PRELID2: variants seen among roughly 807,000 people sequenced by gnomAD.
PRELID2 encodes PRELI domain containing 2, also known as PRELI domain-containing protein 2.
PRELID2 carries 25 observed loss-of-function variants against 28.4 expected under a neutral mutation model. That is an observed-to-expected ratio of 0.88 (90% CI 0.64 to 1.23). PRELID2 has a LOEUF of 1.23. Ranked by LOEUF, PRELID2 falls within the 50% of genes most tolerant of loss-of-function variation. The probability of loss-of-function intolerance (pLI) is 0.00; values close to 1 mark genes in which losing one functional copy is unlikely to be tolerated. For missense variants in PRELID2, 201 were observed against 214.4 expected (o/e 0.94, Z 0.39); for synonymous variants, 76 against 71.6 (o/e 1.06, Z -0.31).
chr5:145,336,310 G>A, the PRELID2 span, among the ~76,000 whole-genome samples: 1 of 151,564 alleles, frequency 6.6e-6, no homozygotes, highest in South Asian at 2.1e-4. Context: ...GGCTTTTGTT[G>A]CCATTGCTTT....
At position 145,820,043 on chromosome 5, in the gene PRELID2, A is replaced by C. The variant is rs184962695; in HGVS notation, c.134-25T>G. The C allele has an allele frequency of 1.3e-3, 1,714 of 1,318,236 alleles. 11 individuals are homozygous for C. The East Asian group carries it at 0.019, about 14-fold the overall frequency. 81.7% of individuals were successfully genotyped at this position (1,318,236 alleles called of 1,614,324 possible). On this transcript the variant is annotated intron_variant, in intron 2 of 6. Transcript: ENST00000683046. ...TCTAAAAAAGAAATTTTTTTACACA[A>C]AAAAAAATTAAAGAAATGTGTTCTT...
intron 1 of PRELID2, among the ~76,000 whole-genome samples, chr5:145,537,889 G>A (rs747734817): frequency 2.6e-5 from 4 of 151,660 alleles, no homozygotes; most frequent in Non-Finnish European, 4.4e-5. Context: ...TGTTTTTGAA[G>A]TCTTATTTTT....
At chr5:145,467,009 TAAATTTGAAAGGTCTCC>T (rs1752008124), downstream of PRELID2, among the ~76,000 whole-genome samples, 1 of 152,094 alleles carries the variant, frequency 6.6e-6, no homozygotes, top group Non-Finnish European at 1.5e-5. Flanking sequence ...GGGTCACTAG[TAAATTTGAAAGGTCTCC>T]AATGACCCTT....
the PRELID2 span, among the ~76,000 whole-genome samples, chr5:145,330,163 G>T: frequency 6.6e-6 from 1 of 152,236 alleles, no homozygotes; most frequent in Non-Finnish European, 1.5e-5. Flanking sequence ...TGCATTGCTG[G>T]ATTCAGTTTG....
the PRELID2 span, among the ~76,000 whole-genome samples, chr5:145,455,354 T>C: frequency 7.2e-5 from 11 of 152,212 alleles, no homozygotes; most frequent in African/African-American, 2.7e-4. Context: ...TTGGTTACTG[T>C]AGCCTTGTAG....
chr5:145,623,082 T>G (rs1412687003), intron 1 of PRELID2, among the ~76,000 whole-genome samples: 5 of 152,056 alleles, frequency 3.3e-5, no homozygotes, highest in African/African-American at 9.7e-5. Flanking sequence ...AAGACTTTCC[T>G]GAAGAAAATA....
chr5:145,741,316 T>G (rs1405143834), intron 1 of PRELID2, among the ~76,000 whole-genome samples: 4 of 58,254 alleles, frequency 6.9e-5, no homozygotes, highest in Non-Finnish European at 9.6e-5. Context: ...AATTTATTTA[T>G]AAATAAATTA....
the PRELID2 span, among the ~76,000 whole-genome samples, chr5:145,319,185 G>A: frequency 1.2e-4 from 18 of 152,192 alleles, no homozygotes; most frequent in East Asian, 9.7e-4. Flanking sequence ...TTAGGGCCAC[G>A]GGTTTCCAGG....
chr5:145,680,560 T>C (rs1269502533), intron 1 of PRELID2, among the ~76,000 whole-genome samples: 2 of 152,132 alleles, frequency 1.3e-5, no homozygotes, highest in South Asian at 2.1e-4. Context: ...CTGGCATGAA[T>C]CTGTGAGAAG....
chr5:145,751,584 AT>A (rs1307709808), downstream of PRELID2, among the ~76,000 whole-genome samples: 1 of 152,234 alleles, frequency 6.6e-6, no homozygotes, highest in Non-Finnish European at 1.5e-5. Flanking sequence ...CTTTTTAAAA[AT>A]TAACAATCCA....
chr5:145,423,153 C>T, the PRELID2 span, among the ~76,000 whole-genome samples: 1 of 152,056 alleles, frequency 6.6e-6, no homozygotes, highest in Non-Finnish European at 1.5e-5. Flanking sequence ...ACCTTTCTCT[C>T]TGGCTGCCCT....
At chr5:145,753,225 G>A (rs1757170784), downstream of PRELID2, among the ~76,000 whole-genome samples, 1 of 150,038 alleles carries the variant, frequency 6.7e-6, no homozygotes, top group African/African-American at 2.4e-5. Context: ...GATAGTGGCT[G>A]CTATTTTCTC....
intron 1 of PRELID2, among the ~76,000 whole-genome samples, chr5:145,604,573 T>C: frequency 6.6e-6 from 1 of 151,976 alleles, no homozygotes. Context: ...GTAGAATAAT[T>C]TATATTCCTT....
the PRELID2 span, among the ~76,000 whole-genome samples, chr5:145,328,486 A>G: frequency 6.6e-6 from 1 of 152,182 alleles, no homozygotes; most frequent in Non-Finnish European, 1.5e-5. Context: ...TCTGACTGGC[A>G]TGAGATGGTA....
chr5:145,332,930 G>T, the PRELID2 span, among the ~76,000 whole-genome samples: 1 of 152,108 alleles, frequency 6.6e-6, no homozygotes, highest in Admixed American at 6.5e-5. Flanking sequence ...TTTGATGTCG[G>T]TGACCTTCAG....
chr5:145,619,433 C>G (rs111618385), intron 1 of PRELID2, among the ~76,000 whole-genome samples: 10,531 of 152,266 alleles, frequency 0.069, 1,183 homozygotes, highest in African/African-American at 0.24. Flanking sequence ...TCAGCTCCAG[C>G]TAAGGTCAGA....
chr5:145,429,610 G>A, the PRELID2 span, among the ~76,000 whole-genome samples: 2 of 152,136 alleles, frequency 1.3e-5, no homozygotes, highest in Non-Finnish European at 2.9e-5. Context: ...AGGGAAGTGC[G>A]GAAGTCCAAG....
the PRELID2 span, among the ~76,000 whole-genome samples, chr5:145,381,107 C>A: frequency 7.9e-5 from 12 of 152,086 alleles, no homozygotes; most frequent in African/African-American, 2.9e-4. Context: ...CTCTAAAAAG[C>A]AATAATTTAA....
At chr5:145,592,491 C>A (rs1375381891) in intron 1 of PRELID2, among the ~76,000 whole-genome samples, 1 of 152,046 alleles carries the variant, frequency 6.6e-6, no homozygotes, top group Non-Finnish European at 1.5e-5. Context: ...CACACACACA[C>A]ACATTGCTAT....
Sources: gnomAD v4.1 joint callset for allele counts (sites outside exome capture counted in the v4.1 genomes callset) on GRCh38, gnomAD v4.1.1 for gene constraint, MANE v1.5 for transcripts, NCBI Gene and HGNC (gene_info 2026-07-23, HGNC 2026-07-21) for gene names.